The following CRISP3 variants were observed in gnomAD, a reference collection of about 807,000 sequenced individuals.
The protein encoded by CRISP3 is cysteine-rich secretory protein 3.
Under a neutral mutation model 36.1 loss-of-function variants are expected in CRISP3, and 33 were observed. The ratio of observed to expected loss-of-function variants is 0.91; its 90% CI spans 0.69 to 1.22. The LOEUF is 1.22. Ranked by LOEUF, CRISP3 falls within the 50% of genes most tolerant of loss-of-function variation. The pLI is 0.00. For missense variants in CRISP3, 330 were observed against 301.2 expected, an observed-to-expected ratio of 1.10 and a Z score of -0.71; for synonymous variants, 117 against 104.6, an observed-to-expected ratio of 1.12 and a Z score of -0.72.
chr6:49,742,345 G>A (rs892695335), intron 1 of CRISP3, among the ~76,000 whole-genome samples: 4 of 152,046 alleles, frequency 2.6e-5, no homozygotes, highest in Admixed American at 2.0e-4. Context: ...TTTAAAAGAA[G>A]AATTGCTTGG....
chr6:49,733,106 T>G, intron 6 of CRISP3, 89 bp downstream of exon 6: 1 of 715,684 alleles, frequency 1.4e-6, no homozygotes, highest in Non-Finnish European at 2.2e-6. Flanking sequence ...CTCCTTCACC[T>G]TTACTTAAAT....
At chr6:49,739,020 C>T (rs565592589) in intron 1 of CRISP3, among the ~76,000 whole-genome samples, 67 of 150,976 alleles carry the variant, frequency 4.4e-4, no homozygotes, top group African/African-American at 1.4e-3. Context: ...AAAGAATCCA[C>T]GAAAAATGAT....
intron 1 of CRISP3, among the ~76,000 whole-genome samples, chr6:49,742,850 C>G (rs1195125631): frequency 1.3e-5 from 2 of 151,906 alleles, no homozygotes; most frequent in Non-Finnish European, 1.5e-5. Context: ...GGAGGAAGAA[C>G]AGACTATAGA....
chr6:49,739,133 T>A (rs2127452995), intron 1 of CRISP3, among the ~76,000 whole-genome samples: 1 of 152,294 alleles, frequency 6.6e-6, no homozygotes, highest in East Asian at 1.9e-4. Context: ...TGCTTCCACT[T>A]CTAAATCAAT....
At chr6:49,735,689 A>G in intron 3 of CRISP3, 98 bp from the exon 4 acceptor site, 1 of 795,254 alleles carries the variant, frequency 1.3e-6, no homozygotes, top group Non-Finnish European at 2.0e-6. Flanking sequence ...ACATCATCAT[A>G]AAATTTCTGT....
Position 49,744,326 on chromosome 6 carries a change from C to T in CRISP3, c.37+5G>A, listed in dbSNP as rs1248588821. ...TCACCTTGAAATAAAGGAGTTATCA[C>T]TTACCAGTGGTTTCCAGAGCAGGAT... On this transcript the variant is annotated splice_donor_5th_base_variant and intron_variant, in intron 1 of 7. Coordinates refer to ENST00000263045, the MANE Select transcript of CRISP3 (RefSeq NM_006061.4). 1 of 1,525,048 alleles carries T rather than the reference C, an allele frequency of 6.6e-7. No individual in the cohort carries two copies. The allele number at this position is 1,525,048 out of a possible 1,614,324, so 94.5% of individuals were successfully genotyped here.
chr6:49,729,861 T>G (rs1483309778), intron 7 of CRISP3, among the ~76,000 whole-genome samples: 1 of 152,218 alleles, frequency 6.6e-6, no homozygotes, highest in Non-Finnish European at 1.5e-5. Context: ...TGCTTCTTCC[T>G]ACTACTGTCG....
intron 1 of CRISP3, among the ~76,000 whole-genome samples, chr6:49,741,074 A>T (rs1769186461): frequency 6.6e-6 from 1 of 151,384 alleles, no homozygotes; most frequent in Admixed American, 6.6e-5. Flanking sequence ...GCCCTGGGCG[A>T]CAGAGCGAGA....
rs510770 is a variant in CRISP3 at position 49,727,519 on chromosome 6, A to G, written c.*1211T>C. On this transcript the variant is annotated 3_prime_UTR_variant, in exon 8 of 8. Coordinates refer to ENST00000263045, the MANE Select transcript of CRISP3 (RefSeq NM_006061.4). ...CATCTTACATTACCCTGCTATATTT[A>G]TCAAGATTAAGAAATCAACACTACT... is the stretch of plus-strand genomic sequence containing the variant. 0.9 allele frequency: 137,430 copies of G among 152,098 alleles called. 62,164 individuals carry two copies. The highest frequency in any genetic ancestry group is 0.96 in the East Asian group (4,950 of 5,158). 9.4% of individuals were successfully genotyped at this position (152,098 alleles called of 1,614,324 possible).
rs141178581 is a variant in CRISP3, at chr6:49,728,726, G to T, written c.*4C>A. On this transcript the variant is annotated 3_prime_UTR_variant, in exon 8 of 8. Transcript: ENST00000263045. Reference sequence around the variant, plus strand: ...CATAGCCCTACTCGGTGTGTAATGCGTATTTAATAAATGCTGTTTGAACAA... The same window carrying T: ...CATAGCCCTACTCGGTGTGTAATGCTTATTTAATAAATGCTGTTTGAACAA... The T allele has an allele frequency of 2.6e-5, 42 of 1,609,442 alleles. 1 individual carries two copies. In the South Asian group the frequency reaches 4.1e-4, roughly 16 times the overall value.
chr6:49,730,518 A>G (rs1286767732), intron 7 of CRISP3, among the ~76,000 whole-genome samples: 1 of 152,120 alleles, frequency 6.6e-6, no homozygotes, highest in Non-Finnish European at 1.5e-5. Context: ...TCTTAGATGT[A>G]TATTTGTTTT....
At chr6:49,732,997 C>T (rs893649793) in intron 6 of CRISP3, among the ~76,000 whole-genome samples, 198 bp downstream of exon 6, 12 of 152,070 alleles carry the variant, frequency 7.9e-5, no homozygotes, top group Non-Finnish European at 1.6e-4. Flanking sequence ...AAAGACAGCT[C>T]CCTGTTCAAT....
chr6:49,733,315 A>T (rs376712523), intron 5 of CRISP3, 23 bp from the exon 6 acceptor site: 1 of 1,432,742 alleles, frequency 7.0e-7, no homozygotes, highest in South Asian at 1.2e-5. Context: ...AAGTGAAGAT[A>T]TGAGAGCACA....
chr6:49,742,539 G>A (rs1769232033), intron 1 of CRISP3, among the ~76,000 whole-genome samples: 1 of 150,952 alleles, frequency 6.6e-6, no homozygotes, highest in Non-Finnish European at 1.5e-5. Context: ...GGCTGAGGCA[G>A]GAGAATTGCT....
chr6:49,742,177 A>G (rs1769222500), intron 1 of CRISP3, among the ~76,000 whole-genome samples: 2 of 152,158 alleles, frequency 1.3e-5, no homozygotes, highest in Admixed American at 1.3e-4. Context: ...TAAAACTTTA[A>G]TAAAGAACAT....
chr6:49,738,204 C>T (rs958959393), intron 1 of CRISP3, among the ~76,000 whole-genome samples: 4 of 152,114 alleles, frequency 2.6e-5, no homozygotes, highest in Non-Finnish European at 4.4e-5. Flanking sequence ...TAGAATTCTA[C>T]TGAAATTATA....
chr6:49,727,462 C>T lies in CRISP3; in HGVS notation c.*1268G>A, dbSNP rs1768792971. ...GATAGTACAGAGAATTCCTAGATAG[C>T]CCTCACCCAGTTTCAGTTTCTCTAA... On this transcript the variant is annotated 3_prime_UTR_variant, in exon 8 of 8. Coordinates refer to ENST00000263045, the MANE Select transcript of CRISP3 (RefSeq NM_006061.4). 1 of 151,894 alleles carries T rather than the reference C, an allele frequency of 6.6e-6. No homozygotes were observed. The highest frequency in any genetic ancestry group is 2.4e-5 in the African/African-American group (1 of 41,358). 9.4% of individuals were successfully genotyped at this position (151,894 alleles called of 1,614,324 possible).
intron 1 of CRISP3, 93 bp downstream of exon 1, chr6:49,744,238 C>A: frequency 1.2e-6 from 1 of 859,872 alleles, no homozygotes. Flanking sequence ...ATAAAATATA[C>A]GAATATATCA....
At chr6:49,737,281 A>C (rs1208660656) in intron 2 of CRISP3, 44 bp downstream of exon 2, 5 of 1,526,430 alleles carry the variant, frequency 3.3e-6, no homozygotes, top group East Asian at 2.2e-5. Flanking sequence ...GCCATCCCTC[A>C]TGGTTGCCTG....
Sources: allele counts gnomAD v4.1 joint callset (sites outside exome capture counted in the v4.1 genomes callset), GRCh38; gene constraint gnomAD v4.1.1; transcripts MANE v1.5; gene names NCBI Gene and HGNC (gene_info 2026-07-23, HGNC 2026-07-21).